CHLSN: variants seen among roughly 807,000 people sequenced by gnomAD.
CHLSN encodes cholesin.
the CHLSN span, chr7:983,343 G>A: frequency 5.9e-6 from 9 of 1,537,986 alleles, no homozygotes; most frequent in Non-Finnish European, 7.0e-6. Context: ...TCGGGAACCT[G>A]CACTTGCTGC....
chr7:1,054,877 A>G, the CHLSN span, among the ~76,000 whole-genome samples: 17,398 of 151,966 alleles, frequency 0.11, 1,202 homozygotes, highest in Middle Eastern at 0.25. Context: ...GCCTCTGAGG[A>G]CTCCTGTGTC....
chr7:1,113,391 C>A, the CHLSN span, among the ~76,000 whole-genome samples: 1 of 152,206 alleles, frequency 6.6e-6, no homozygotes, highest in African/African-American at 2.4e-5. Flanking sequence ...GCCGCCCGGG[C>A]AGCAGCAGCT....
chr7:1,006,128 T>G, the CHLSN span, among the ~76,000 whole-genome samples: 2 of 152,246 alleles, frequency 1.3e-5, no homozygotes, highest in Admixed American at 6.5e-5. Flanking sequence ...ACTACCACAG[T>G]GGACCCAGCA....
At chr7:1,009,824 A>C in the CHLSN span, 1 of 839,298 alleles carries the variant, frequency 1.2e-6, no homozygotes. Context: ...CAGGCCTGGC[A>C]TGAACGCTCA....
At chr7:1,033,953 A>AGGCT in the CHLSN span, among the ~76,000 whole-genome samples, 1 of 152,244 alleles carries the variant, frequency 6.6e-6, no homozygotes, top group Non-Finnish European at 1.5e-5. Flanking sequence ...ATCCAGCATC[A>AGGCT]GGCTGGCCGG....
At chr7:1,045,143 G>C in the CHLSN span, among the ~76,000 whole-genome samples, 2 of 152,242 alleles carry the variant, frequency 1.3e-5, no homozygotes, top group African/African-American at 4.8e-5. Flanking sequence ...CTGGAAGGCA[G>C]TGCTCTCCAG....
At chr7:1,089,992 G>C in the CHLSN span, among the ~76,000 whole-genome samples, 2 of 151,574 alleles carry the variant, frequency 1.3e-5, no homozygotes, top group African/African-American at 4.9e-5. Context: ...GCTGAGGCAG[G>C]AGAACCACTC....
chr7:1,014,862 C>T, the CHLSN span, among the ~76,000 whole-genome samples: 1,224 of 152,372 alleles, frequency 8.0e-3, 13 homozygotes, highest in African/African-American at 0.028. Flanking sequence ...GCCCAGCTCT[C>T]AGATCCGAGC....
chr7:1,058,463 CG>C, the CHLSN span: 3 of 780,402 alleles, frequency 3.8e-6, no homozygotes, highest in Non-Finnish European at 7.2e-6. Context: ...AGCTGCCCTG[CG>C]GGGACCGGCA....
the CHLSN span, among the ~76,000 whole-genome samples, chr7:1,021,877 G>A: frequency 6.6e-6 from 1 of 152,234 alleles, no homozygotes; most frequent in Non-Finnish European, 1.5e-5. Context: ...GGGTTTTGGG[G>A]TATAAACTGA....
the CHLSN span, among the ~76,000 whole-genome samples, chr7:1,017,124 G>A: frequency 8.5e-5 from 13 of 152,232 alleles, no homozygotes; most frequent in Admixed American, 7.2e-4. Context: ...AGGGCCACGC[G>A]GGCCCAGAGC....
the CHLSN span, among the ~76,000 whole-genome samples, chr7:1,059,718 CGGGGCGGGTCTTAGG>C: frequency 1.5e-3 from 3 of 1,972 alleles, no homozygotes; most frequent in Admixed American, 0.014. Context: ...TGGGTCTTAG[CGGGGCGGGTCTTAGG>C]GGGGCGGGTC....
chr7:1,054,708 G>A, the CHLSN span, among the ~76,000 whole-genome samples: 15 of 152,288 alleles, frequency 9.8e-5, no homozygotes, highest in South Asian at 2.1e-4. Flanking sequence ...CTGGCCCCAC[G>A]CGGTTCCACC....
At chr7:984,684 A>G in the CHLSN span, 3 of 1,418,584 alleles carry the variant, frequency 2.1e-6, no homozygotes, top group African/African-American at 2.9e-5. Flanking sequence ...CCTGGGGAAG[A>G]GCAGGCAGGA....
At chr7:1,134,747 T>C in the CHLSN span, among the ~76,000 whole-genome samples, 3 of 151,242 alleles carry the variant, frequency 2.0e-5, no homozygotes, top group Non-Finnish European at 4.4e-5. Context: ...CGGGTGCCTG[T>C]AGTCCCAGCT....
chr7:999,574 G>A, the CHLSN span, among the ~76,000 whole-genome samples: 1,147 of 152,228 alleles, frequency 7.5e-3, 15 homozygotes, highest in African/African-American at 0.022. Context: ...CTCAAAAAAC[G>A]CCCACAAAAA....
the CHLSN span, among the ~76,000 whole-genome samples, chr7:982,428 C>A: frequency 0.025 from 3,777 of 152,348 alleles, 157 homozygotes; most frequent in African/African-American, 0.086. Context: ...GGCCCGGCCG[C>A]TTCTGCTGCC....
At chr7:1,087,169 G>C in the CHLSN span, 2 of 152,278 alleles carry the variant, frequency 1.3e-5, no homozygotes, top group Admixed American at 6.5e-5. Context: ...CCGCCTGCAC[G>C]AGACTGTGAA....
chr7:1,118,980 C>T, the CHLSN span, among the ~76,000 whole-genome samples: 3 of 148,642 alleles, frequency 2.0e-5, no homozygotes, highest in Non-Finnish European at 4.5e-5. Flanking sequence ...GTGGGCTGGG[C>T]GCAGTGGCTC....
Sources: gnomAD v4.1 joint callset for allele counts (sites outside exome capture counted in the v4.1 genomes callset) on GRCh38, gnomAD v4.1.1 for gene constraint, MANE v1.5 for transcripts, NCBI Gene and HGNC (gene_info 2026-07-23, HGNC 2026-07-21) for gene names.